The following NLRC5 variants were observed in gnomAD, a reference collection of about 807,000 sequenced individuals.
The protein encoded by NLRC5 is protein NLRC5.
In NLRC5, 114 loss-of-function variants were observed where a neutral mutation model predicts 206.9. That is an observed-to-expected ratio of 0.55 (90% CI 0.47 to 0.64). The LOEUF is 0.64. Among genes scored for constraint, NLRC5 ranks in the 30% least tolerant of loss-of-function variants. The probability of loss-of-function intolerance (pLI) is 0.00; values close to 1 mark genes in which losing one functional copy is unlikely to be tolerated. For missense variants in NLRC5, 2,008 were observed against 2,305.5 expected (o/e 0.87, Z 2.64); for synonymous variants, 952 against 962.8 (o/e 0.99, Z 0.21).
At chr16:57,055,613 C>A in intron 27 of NLRC5, 94 bp downstream of exon 27, 2 of 960,702 alleles carry the variant, frequency 2.1e-6, no homozygotes, top group Non-Finnish European at 3.3e-6. Flanking sequence ...CACATACACT[C>A]ATGTGTGCCT....
At chr16:57,053,720 A>G (rs569122569) in intron 24 of NLRC5, among the ~76,000 whole-genome samples, 2 of 152,112 alleles carry the variant, frequency 1.3e-5, no homozygotes, top group Admixed American at 6.5e-5. Flanking sequence ...GTAGAGACAG[A>G]GTTTAACCAT....
rs2061220559 is a variant in NLRC5, at chr16:57,025,783, G to A, written c.840G>A (p.Leu280=). The A allele has an allele frequency of 6.2e-7, 1 of 1,614,200 alleles. No individual in the cohort carries two copies. The highest frequency in any genetic ancestry group is 8.5e-7 in the Non-Finnish European group (1 of 1,180,022). Reference sequence around the variant, plus strand: ...CACCGTCCGAGCTCCTTTTTGATCTGTACCTGAGCCCTGAATCGGACCACG... The same window carrying A: ...CACCGTCCGAGCTCCTTTTTGATCTATACCTGAGCCCTGAATCGGACCACG... ...FLTPSELLFD[L]YLSPESDHDT... The change falls in exon 6 of 49, where the codon CTG becomes CTA. Residue 280 remains leucine, a synonymous_variant. Transcript: ENST00000688547.
chr16:57,077,705 C>A lies in NLRC5; in HGVS notation c.4920-14C>A, dbSNP rs780692774. The A allele has an allele frequency of 6.4e-7, 1 of 1,553,952 alleles. No individual in the cohort carries two copies. The stretch of plus-strand genomic sequence containing the variant: ...GGGGCATCAGAGGACCTGATGGCTG[C>A]CCCCCTCCCACAGCCTCTCAGGGAA... On this transcript the variant is annotated splice_polypyrimidine_tract_variant and intron_variant, in intron 41 of 48. Coordinates refer to ENST00000688547, the MANE Select transcript of NLRC5 (RefSeq NM_001384950.1).
chr16:57,001,506 A>G (rs1317538572), intron 1 of NLRC5, among the ~76,000 whole-genome samples: 2 of 152,196 alleles, frequency 1.3e-5, no homozygotes, highest in Non-Finnish European at 2.9e-5. Context: ...TTCCTTCCTT[A>G]CACCAGGCGT....
At chr16:57,036,766 C>G (rs1651669) in intron 14 of NLRC5, among the ~76,000 whole-genome samples, 132,679 of 151,910 alleles carry the variant, frequency 0.87, 58,054 homozygotes, top group East Asian at 0.93. Flanking sequence ...TTTCAATCTT[C>G]GCTCTGTCAC....
intron 41 of NLRC5, 83 bp downstream of exon 41, chr16:57,077,462 T>C (rs2068540876): frequency 7.6e-7 from 1 of 1,309,722 alleles, no homozygotes; most frequent in African/African-American, 1.5e-5. Context: ...GAGGCCAGCA[T>C]GGTAAAATCT....
At chr16:57,037,411 C>T in intron 15 of NLRC5, 127 bp downstream of exon 15, 1 of 804,722 alleles carries the variant, frequency 1.2e-6, no homozygotes, top group South Asian at 1.5e-5. Context: ...CCACCCAGAC[C>T]CCGTTACAGC....
intron 34 of NLRC5, 69 bp from the exon 35 acceptor site, chr16:57,067,318 C>A (rs1195846958): frequency 1.6e-6 from 2 of 1,246,962 alleles, no homozygotes; most frequent in Non-Finnish European, 1.2e-6. Context: ...AAGCTCCTTG[C>A]AGGCAGATAC....
At chr16:56,999,066 C>T (rs1166210587) in intron 1 of NLRC5, among the ~76,000 whole-genome samples, 1 of 152,206 alleles carries the variant, frequency 6.6e-6, no homozygotes, top group African/African-American at 2.4e-5. Context: ...TCCGGGTTGC[C>T]GATGGCGGAC....
chr16:57,020,642 C>A, intron 2 of NLRC5, 59 bp from the exon 3 acceptor site: 1 of 1,125,496 alleles, frequency 8.9e-7, no homozygotes, highest in Non-Finnish European at 1.2e-6. Context: ...TGTCCCTCAG[C>A]TCATCTGCCC....
At chr16:57,030,846 T>C (rs1274483768) in intron 10 of NLRC5, among the ~76,000 whole-genome samples, 1 of 152,260 alleles carries the variant, frequency 6.6e-6, no homozygotes, top group Non-Finnish European at 1.5e-5. Context: ...CAGTGGCTCA[T>C]GCCTGTAATT....
At chr16:57,054,077 T>C (rs1227454762) in intron 24 of NLRC5, among the ~76,000 whole-genome samples, 1 of 152,026 alleles carries the variant, frequency 6.6e-6, no homozygotes, top group Non-Finnish European at 1.5e-5. Flanking sequence ...GAGGGCAGAG[T>C]GGACCCATCT....
chr16:57,067,663 C>A (rs1320640874), intron 35 of NLRC5, 73 bp from the exon 36 acceptor site: 1 of 1,482,724 alleles, frequency 6.7e-7, no homozygotes, highest in African/African-American at 1.4e-5. Context: ...CTCTTGGCAC[C>A]CCCTTCTGGA....
chr16:57,032,664 G>A (rs544795174), intron 11 of NLRC5, among the ~76,000 whole-genome samples: 5 of 152,062 alleles, frequency 3.3e-5, no homozygotes, highest in Non-Finnish European at 7.4e-5. Flanking sequence ...CCCATAGCAA[G>A]TGGTACAGAT....
intron 1 of NLRC5, among the ~76,000 whole-genome samples, chr16:56,993,168 GAC>G (rs1312619594): frequency 7.8e-5 from 8 of 102,578 alleles, no homozygotes; most frequent in African/African-American, 9.2e-5. Context: ...CACATATATA[GAC>G]ACACACACAC....
At position 57,051,751 on chromosome 16, in the gene NLRC5, G is replaced by A. The variant is rs9944314; in HGVS notation, c.3506+130G>A. On this transcript the variant is annotated intron_variant, in intron 24 of 48. Coordinates refer to ENST00000688547, the MANE Select transcript of NLRC5 (RefSeq NM_001384950.1). ...TTACCCCCTCCAACCCCCTCTACCC[G>A]CTCCATTCTTTCCTTAGGTTGTTTT... The A allele has an allele frequency of 0.014, 7,467 of 534,332 alleles. 346 individuals carry two copies. In the African/African-American group the frequency reaches 0.21, roughly 15 times the overall value. 33.1% of individuals were successfully genotyped at this position (534,332 alleles called of 1,614,324 possible).
chr16:57,046,710 G>A, intron 22 of NLRC5, 69 bp downstream of exon 22: 1 of 1,298,962 alleles, frequency 7.7e-7, no homozygotes, highest in Non-Finnish European at 1.1e-6. Context: ...GGGCAGAGCT[G>A]GCAGGGGGCT....
At position 57,002,654 on chromosome 16, in the gene NLRC5, T is replaced by G. The variant is rs1389434674; in HGVS notation, c.-128+13037T>G. Among the ~76,000 whole-genome samples the G allele has an allele frequency of 1.3e-4, 19 of 147,186 alleles. 1 individual carries two copies. Among genetic ancestry groups the G allele is most frequent in the Admixed American group, 3.4e-4 (5 of 14,816 alleles). On this transcript the variant is annotated intron_variant, in intron 1 of 48. Transcript: ENST00000688547. Reference sequence around the variant, plus strand: ...AGTTTAGTTTTTTTTTGTTTTTTTTTTTTTTTTGAGACAGAGTCTCACTCT... The same window carrying G: ...AGTTTAGTTTTTTTTTGTTTTTTTTGTTTTTTTGAGACAGAGTCTCACTCT...
intron 23 of NLRC5, among the ~76,000 whole-genome samples, chr16:57,050,172 G>A (rs1321181617): frequency 6.6e-6 from 1 of 152,122 alleles, no homozygotes; most frequent in Non-Finnish European, 1.5e-5. Context: ...GTATTTGGGG[G>A]TCTGGTGGGA....
Sources: gnomAD v4.1 joint callset for allele counts (sites outside exome capture counted in the v4.1 genomes callset) on GRCh38, gnomAD v4.1.1 for gene constraint, MANE v1.5 for transcripts, NCBI Gene and HGNC (gene_info 2026-07-23, HGNC 2026-07-21) for gene names.